Variants in OPCML observed in about 807,000 individuals in gnomAD.
OPCML encodes the protein opioid binding protein/cell adhesion molecule like.
In OPCML, 13 loss-of-function variants were observed where a neutral mutation model predicts 37.8. The ratio of observed to expected loss-of-function variants is 0.34; its 90% CI spans 0.22 to 0.55. OPCML has a LOEUF of 0.55. OPCML is among the 20% of genes least tolerant of loss of function. OPCML has a pLI of 0.91. For synonymous variants in OPCML, 176 were observed against 168.8 expected (o/e 1.04, Z -0.33); for missense variants, 341 against 435.6 (o/e 0.78, Z 1.93).
In OPCML at chr11:133,060,054, A is replaced by G. The variant is rs1440698097; in HGVS notation, c.62-117044T>C. 2.0e-5 allele frequency among the ~76,000 whole-genome samples: 3 copies of G among 152,188 alleles called. No individual in the cohort carries two copies. In the East Asian group the frequency reaches 5.8e-4, roughly 29 times the overall value. On this transcript the variant is annotated intron_variant, in intron 1 of 7. Transcript: ENST00000524381. ...ATTCTAGATTTGCCACAAACTTTCCATCAGATATTTTAAGGCCGTTCCTTT... is the reference window on the plus strand; with the variant it reads ...ATTCTAGATTTGCCACAAACTTTCCGTCAGATATTTTAAGGCCGTTCCTTT...
At chr11:133,172,470 C>G (rs1001183684) in intron 1 of OPCML, among the ~76,000 whole-genome samples, 3 of 152,106 alleles carry the variant, frequency 2.0e-5, no homozygotes, top group African/African-American at 7.2e-5. Flanking sequence ...GTGTTTCAGG[C>G]AGAGAAAACC....
At chr11:133,216,055 G>T (rs560856) in intron 1 of OPCML, among the ~76,000 whole-genome samples, 1 of 152,106 alleles carries the variant, frequency 6.6e-6, no homozygotes, top group Admixed American at 6.5e-5. Flanking sequence ...CTCAGAGGGC[G>T]CCTTCTAAAA....
chr11:133,410,618 A>C (rs1945626563), intron 1 of OPCML, among the ~76,000 whole-genome samples: 1 of 119,046 alleles, frequency 8.4e-6, no homozygotes, highest in Non-Finnish European at 1.7e-5. Context: ...GTGAAAGCAC[A>C]CGTTAAGAAA....
chr11:132,674,329 A>G (rs2135827375), intron 2 of OPCML, among the ~76,000 whole-genome samples: 1 of 152,316 alleles, frequency 6.6e-6, no homozygotes, highest in South Asian at 2.1e-4. Context: ...AAAGCCTCTG[A>G]AACAGGAAGC....
intron 7 of OPCML, among the ~76,000 whole-genome samples, chr11:132,429,509 TAG>T (rs2136695301): frequency 6.6e-6 from 1 of 152,128 alleles, no homozygotes; most frequent in African/African-American, 2.4e-5. Context: ...CCAGAGATTC[TAG>T]AGAGTGTGCA....
intron 1 of OPCML, among the ~76,000 whole-genome samples, chr11:133,327,370 T>C (rs1943499234): frequency 6.6e-6 from 1 of 151,962 alleles, no homozygotes; most frequent in East Asian, 1.9e-4. Flanking sequence ...TTACTGCTTG[T>C]GTTTCAGTGT....
chr11:133,136,614 G>C (rs936701338), intron 1 of OPCML, among the ~76,000 whole-genome samples: 2 of 152,108 alleles, frequency 1.3e-5, no homozygotes, highest in Non-Finnish European at 2.9e-5. Context: ...CTGGAATCAG[G>C]CATTCAGGCT....
At position 132,694,179 on chromosome 11, in the gene OPCML, C is replaced by CTTTTTTTT. The variant is rs1162305568; in HGVS notation, c.147-36868_147-36861dup. Among the ~76,000 whole-genome samples the CTTTTTTTT allele has an allele frequency of 1.0e-3, 44 of 43,016 alleles. 6 individuals are homozygous for CTTTTTTTT. The highest frequency in any genetic ancestry group is 3.5e-3 in the African/African-American group (39 of 11,034). The allele number at this position is 43,016 out of a possible 152,430, so 28.2% of individuals were successfully genotyped here. The stretch of plus-strand genomic sequence containing the variant: ...GAGTTTCGTTCTGTGAAATCAATGT[C>CTTTTTTTT]TTTTTTTTTTTTTTTTTTTTTTTTT... On this transcript the variant is annotated intron_variant, in intron 2 of 7. Coordinates refer to ENST00000524381, the MANE Select transcript of OPCML (RefSeq NM_001012393.5).
At chr11:132,439,391 G>C (rs978045531) in intron 4 of OPCML, among the ~76,000 whole-genome samples, 2 of 152,128 alleles carry the variant, frequency 1.3e-5, no homozygotes, top group African/African-American at 4.8e-5. Context: ...GCGCCACCTG[G>C]GTCTGGGTTA....
rs142402620 is a variant in OPCML, at chr11:133,070,654, T to C, written c.62-127644A>G. On this transcript the variant is annotated intron_variant, in intron 1 of 7. Coordinates refer to ENST00000524381, the MANE Select transcript of OPCML (RefSeq NM_001012393.5). The stretch of plus-strand genomic sequence containing the variant: ...TTAGATGATTTTTGGAATGCATAAA[T>C]CCAAGTTGTTTATTAGCAGTTTTCT... 1.7e-4 allele frequency among the ~76,000 whole-genome samples: 26 copies of C among 152,330 alleles called. No homozygotes were observed. In the East Asian group the frequency reaches 5.0e-3, roughly 29 times the overall value.
chr11:132,803,127 A>C (rs1938775137), intron 2 of OPCML, among the ~76,000 whole-genome samples: 1 of 152,168 alleles, frequency 6.6e-6, no homozygotes, highest in African/African-American at 2.4e-5. Flanking sequence ...ACAGGTTTCC[A>C]CTGACCTAAG....
intron 1 of OPCML, among the ~76,000 whole-genome samples, chr11:133,492,486 A>G (rs1947685694): frequency 6.6e-6 from 1 of 152,170 alleles, no homozygotes; most frequent in Admixed American, 6.5e-5. Flanking sequence ...TGAGGCTAAA[A>G]TCATGGGTAA....
intron 4 of OPCML, among the ~76,000 whole-genome samples, chr11:132,461,157 TA>T (rs760700344): frequency 3.9e-5 from 6 of 152,098 alleles, no homozygotes; most frequent in Non-Finnish European, 8.8e-5. Context: ...AAACAGCTCA[TA>T]AAACCCTTAG....
chr11:133,140,186 C>CAATAAT (rs59577218), intron 1 of OPCML, among the ~76,000 whole-genome samples: 70,063 of 124,382 alleles, frequency 0.56, 20,168 homozygotes, highest in Non-Finnish European at 0.61. Flanking sequence ...GACTCCGTCT[C>CAATAAT]AATAATAATA....
At chr11:132,930,988 T>G (rs7947479) in intron 2 of OPCML, among the ~76,000 whole-genome samples, 88,915 of 151,954 alleles carry the variant, frequency 0.59, 27,657 homozygotes, top group African/African-American at 0.78. Context: ...TGGAATGAAA[T>G]ACAGAGCCCA....
intron 1 of OPCML, among the ~76,000 whole-genome samples, chr11:133,012,631 T>C (rs1257454503): frequency 2.0e-5 from 3 of 152,124 alleles, no homozygotes; most frequent in Non-Finnish European, 4.4e-5. Context: ...ATCCCAGCAC[T>C]TTGGGAGGCC....
intron 1 of OPCML, among the ~76,000 whole-genome samples, chr11:133,161,983 GTCTT>G (rs1295495177): frequency 1.3e-5 from 1 of 78,018 alleles, no homozygotes; most frequent in Non-Finnish European, 2.7e-5. Flanking sequence ...GGCAGTCTCT[GTCTT>G]TTTTTTTTTT....
At chr11:132,947,769 G>A (rs1270142601) in intron 1 of OPCML, among the ~76,000 whole-genome samples, 2 of 152,112 alleles carry the variant, frequency 1.3e-5, no homozygotes, top group African/African-American at 2.4e-5. Context: ...TTAGATATGT[G>A]GAAACATATA....
At chr11:133,094,292 G>C (rs986574198) in intron 1 of OPCML, among the ~76,000 whole-genome samples, 5 of 152,198 alleles carry the variant, frequency 3.3e-5, no homozygotes, top group African/African-American at 1.2e-4. Context: ...TTTGGCTAAA[G>C]TCGGGTTGCT....
Sources: gnomAD v4.1 joint callset for allele counts (sites outside exome capture counted in the v4.1 genomes callset) on GRCh38, gnomAD v4.1.1 for gene constraint, MANE v1.5 for transcripts, NCBI Gene and HGNC (gene_info 2026-07-23, HGNC 2026-07-21) for gene names.